The following PTPRD variants were observed in gnomAD, a reference collection of about 807,000 sequenced individuals.
The protein encoded by PTPRD is receptor-type tyrosine-protein phosphatase delta.
In PTPRD, 34 loss-of-function variants were observed where a neutral mutation model predicts 214.5. The observed-to-expected ratio is 0.16, with a 90% CI of 0.12 to 0.21. PTPRD has a LOEUF of 0.21. Among genes scored for constraint, PTPRD ranks in the 10% least tolerant of loss-of-function variants. The pLI is 1.00. For synonymous variants in PTPRD, 1,128 were observed against 845.7 expected (o/e 1.33, Z -5.79); for missense variants, 2,545 against 2,398.7 (o/e 1.06, Z -1.27).
At chr9:8,491,735 C>T (rs1209058800) in intron 27 of PTPRD, among the ~76,000 whole-genome samples, 3 of 150,894 alleles carry the variant, frequency 2.0e-5, no homozygotes, top group Non-Finnish European at 2.9e-5. Context: ...CTGTTTGAGG[C>T]AATTCCAGGT....
intron 6 of PTPRD, among the ~76,000 whole-genome samples, chr9:9,747,985 C>T (rs989136326): frequency 6.6e-6 from 1 of 152,118 alleles, no homozygotes; most frequent in African/African-American, 2.4e-5. Context: ...TGTGATTAAG[C>T]TTATGACAGA....
chr9:8,721,072 G>A (rs1203833167), intron 12 of PTPRD, among the ~76,000 whole-genome samples: 1 of 150,872 alleles, frequency 6.6e-6, no homozygotes, highest in African/African-American at 2.4e-5. Context: ...GAGAAGTGAG[G>A]AGGATAAAAA....
At chr9:9,208,322 G>A (rs3004229) in intron 9 of PTPRD, among the ~76,000 whole-genome samples, 113,963 of 151,638 alleles carry the variant, frequency 0.75, 43,163 homozygotes, top group Non-Finnish European at 0.79. Context: ...CCATCTGCTT[G>A]TATTTTTTTA....
rs150750746 is a variant in PTPRD at position 9,590,557 on chromosome 9, C to A, written c.-286-15776G>T. The stretch of plus-strand genomic sequence containing the variant: ...TCTATAATGAACATCAATTCCTTAA[C>A]AATTCAGAAATATTAAACATGTAAT... On this transcript the variant is annotated intron_variant, in intron 7 of 45. Coordinates refer to ENST00000381196, the MANE Select transcript of PTPRD (RefSeq NM_002839.4). Among the ~76,000 whole-genome samples the A allele has an allele frequency of 7.7e-3, 1,176 of 151,950 alleles. 16 individuals carry two copies. Among genetic ancestry groups the A allele is most frequent in the African/African-American group, 0.027 (1,111 of 41,508 alleles).
intron 11 of PTPRD, among the ~76,000 whole-genome samples, chr9:8,885,915 TAA>T (rs1340268712): frequency 6.6e-6 from 1 of 152,206 alleles, no homozygotes; most frequent in East Asian, 1.9e-4. Context: ...TTAATTGTGT[TAA>T]GTTTTTCACT....
chr9:8,936,070 G>A (rs10977374), intron 11 of PTPRD: 39,004 of 151,898 alleles, frequency 0.26, 6,450 homozygotes, highest in South Asian at 0.39. Flanking sequence ...ACATTATCTC[G>A]GATAACAGAA....
intron 8 of PTPRD, among the ~76,000 whole-genome samples, chr9:9,563,868 G>T (rs1022212089): frequency 7.9e-5 from 12 of 152,080 alleles, no homozygotes; most frequent in African/African-American, 2.9e-4. Flanking sequence ...TTTAAATCTT[G>T]ACTTCAGTTA....
chr9:9,038,710 A>C (rs2154381908), intron 10 of PTPRD, among the ~76,000 whole-genome samples: 1 of 151,656 alleles, frequency 6.6e-6, no homozygotes, highest in East Asian at 2.0e-4. Context: ...GCCTACCACC[A>C]CGCCCAGCTA....
At chr9:10,113,060 G>A (rs2098704585) in intron 3 of PTPRD, among the ~76,000 whole-genome samples, 1 of 152,156 alleles carries the variant, frequency 6.6e-6, no homozygotes, top group African/African-American at 2.4e-5. Flanking sequence ...CTCTTTCTGT[G>A]TCACACTCAA....
intron 3 of PTPRD, among the ~76,000 whole-genome samples, chr9:10,326,172 T>G (rs1411923830): frequency 6.6e-6 from 1 of 151,776 alleles, no homozygotes; most frequent in Non-Finnish European, 1.5e-5. Context: ...AAAAAAATTT[T>G]AGTTTTAATA....
At chr9:10,484,353 T>C (rs2099118940) in intron 2 of PTPRD, among the ~76,000 whole-genome samples, 1 of 152,062 alleles carries the variant, frequency 6.6e-6, no homozygotes, top group Admixed American at 6.5e-5. Flanking sequence ...ATATACTATG[T>C]GGGTTATGAA....
chr9:8,331,195 G>C (rs1840393612), intron 44 of PTPRD, among the ~76,000 whole-genome samples: 1 of 148,666 alleles, frequency 6.7e-6, no homozygotes, highest in African/African-American at 2.6e-5. Context: ...TTATTTGATA[G>C]CTATTCATGA....
chr9:8,584,450 C>T (rs948047612), intron 14 of PTPRD, among the ~76,000 whole-genome samples: 2 of 138,336 alleles, frequency 1.4e-5, no homozygotes, highest in Non-Finnish European at 3.1e-5. Flanking sequence ...TGATTAGTTA[C>T]TGAAAAAAAA....
chr9:10,596,061 G>A (rs377269516), intron 2 of PTPRD, among the ~76,000 whole-genome samples: 8 of 151,770 alleles, frequency 5.3e-5, no homozygotes, highest in African/African-American at 1.7e-4. Context: ...ATAGATACAT[G>A]CGTTTATACC....
At chr9:9,988,016 T>A (rs1221387267) in intron 4 of PTPRD, among the ~76,000 whole-genome samples, 1 of 152,178 alleles carries the variant, frequency 6.6e-6, no homozygotes, top group Non-Finnish European at 1.5e-5. Context: ...CTAAGAGATA[T>A]CAATAACAAA....
At chr9:9,248,847 T>A (rs2099974165) in intron 9 of PTPRD, among the ~76,000 whole-genome samples, 1 of 152,020 alleles carries the variant, frequency 6.6e-6, no homozygotes, top group South Asian at 2.1e-4. Flanking sequence ...GCAAGTAAAG[T>A]AGCTCAGAAA....
chr9:9,053,912 C>T (rs552366216), intron 10 of PTPRD, among the ~76,000 whole-genome samples: 2 of 152,128 alleles, frequency 1.3e-5, no homozygotes, highest in East Asian at 1.9e-4. Flanking sequence ...TCAAAAAGAA[C>T]ATGAGATAAG....
chr9:8,826,470 T>G (rs2154528365), intron 11 of PTPRD, among the ~76,000 whole-genome samples: 1 of 152,184 alleles, frequency 6.6e-6, no homozygotes, highest in African/African-American at 2.4e-5. Context: ...TCCACCACCC[T>G]CCAGCCCTGC....
intron 9 of PTPRD, among the ~76,000 whole-genome samples, chr9:9,349,429 A>T (rs1327970976): frequency 6.6e-6 from 1 of 152,058 alleles, no homozygotes. Context: ...AAGCTTTAAG[A>T]CAAATCCTTT....
Sources: allele counts gnomAD v4.1 joint callset (sites outside exome capture counted in the v4.1 genomes callset), GRCh38; gene constraint gnomAD v4.1.1; transcripts MANE v1.5; gene names NCBI Gene and HGNC (gene_info 2026-07-23, HGNC 2026-07-21).